TMEM132D: variants seen among roughly 807,000 people sequenced by gnomAD.
TMEM132D encodes mature OL transmembrane protein.
In TMEM132D, 21 loss-of-function variants were observed where a neutral mutation model predicts 62.3. That is an observed-to-expected ratio of 0.34 (90% CI 0.24 to 0.49). TMEM132D has a LOEUF of 0.49. TMEM132D is among the 20% of genes least tolerant of loss of function. TMEM132D has a pLI of 0.99. For missense variants in TMEM132D, 1,346 were observed against 1,402.8 expected (o/e 0.96, Z 0.65); for synonymous variants, 621 against 575.6 (o/e 1.08, Z -1.13).
At position 129,232,503 on chromosome 12, in the gene TMEM132D, C is replaced by T. The variant is rs534350435; in HGVS notation, c.1300-22840G>A. ...TTGCAGGTGAGACTGCCTTCTGGTC[C>T]AAGGAGATTCTAAGTTGCCATCCAC... On this transcript the variant is annotated intron_variant, in intron 4 of 8. Transcript: ENST00000422113. Among the ~76,000 whole-genome samples, 3 of 152,256 alleles carry T rather than the reference C, an allele frequency of 2.0e-5. No homozygotes were observed. The South Asian group carries it at 6.2e-4, about 32-fold the overall frequency.
rs1011179347 is a variant in TMEM132D, at chr12:129,640,776, G to A, written c.968+59034C>T. Among the ~76,000 whole-genome samples, 32 of 152,280 alleles carry A rather than the reference G, an allele frequency of 2.1e-4. 1 individual carries two copies. Among genetic ancestry groups the A allele is most frequent in the African/African-American group, 7.7e-4 (32 of 41,554 alleles). On this transcript the variant is annotated intron_variant, in intron 2 of 8. Transcript: ENST00000422113. The stretch of plus-strand genomic sequence containing the variant: ...CAGAAGGTGAGTGATGGGTGAGTGA[G>A]TGAAGCTTCATCTGTATTTACAGCC...
rs1244746188 is a variant in TMEM132D at position 129,525,231 on chromosome 12, T to G, written c.1115+5828A>C. Reference sequence around the variant, plus strand: ...TGAGCCACGGTGCCCAGCCGGTTTTTTTTTTTTTTTTTTTTTTTTTTTTTG... The same window carrying G: ...TGAGCCACGGTGCCCAGCCGGTTTTGTTTTTTTTTTTTTTTTTTTTTTTTG... On this transcript the variant is annotated intron_variant, in intron 3 of 8. Transcript: ENST00000422113. 1.4e-3 allele frequency among the ~76,000 whole-genome samples: 174 copies of G among 125,428 alleles called. 14 individuals are homozygous for G. Among genetic ancestry groups the G allele is most frequent in the South Asian group, 4.1e-3 (15 of 3,690 alleles). 82.3% of individuals were successfully genotyped at this position (125,428 alleles called of 152,430 possible). A position where few individuals can be genotyped will look rare whatever the true frequency, so the allele number is the denominator to read the frequency against.
At chr12:129,726,028 C>A (rs1046269487) in intron 1 of TMEM132D, among the ~76,000 whole-genome samples, 2 of 152,146 alleles carry the variant, frequency 1.3e-5, no homozygotes, top group African/African-American at 4.8e-5. Flanking sequence ...TCACCAGTCC[C>A]TAGTAAAAAC....
intron 5 of TMEM132D, chr12:129,109,950 C>T (rs539780067): frequency 6.5e-6 from 1 of 152,754 alleles, no homozygotes; most frequent in African/African-American, 2.4e-5. Flanking sequence ...CAGAAGCCAC[C>T]TGGTCAGTGT....
At chr12:129,202,178 G>C (rs1320077021) in intron 5 of TMEM132D, among the ~76,000 whole-genome samples, 1 of 152,302 alleles carries the variant, frequency 6.6e-6, no homozygotes, top group East Asian at 1.9e-4. Context: ...GCTGAGGAAA[G>C]AAGAGAAAGC....
chr12:129,885,865 A>G (rs529607280), intron 1 of TMEM132D, among the ~76,000 whole-genome samples: 2 of 152,344 alleles, frequency 1.3e-5, no homozygotes, highest in South Asian at 2.1e-4. Context: ...ACTCTTCACT[A>G]ATAAGAAATG....
At chr12:129,220,411 C>A (rs143701033) in intron 4 of TMEM132D, among the ~76,000 whole-genome samples, 1 of 152,174 alleles carries the variant, frequency 6.6e-6, no homozygotes, top group East Asian at 1.9e-4. Flanking sequence ...AGCCCATATA[C>A]CCTCACAGAC....
intron 5 of TMEM132D, among the ~76,000 whole-genome samples, chr12:129,152,228 C>A (rs1877095543): frequency 6.6e-6 from 1 of 152,140 alleles, no homozygotes; most frequent in Non-Finnish European, 1.5e-5. Flanking sequence ...GGCTCTATGG[C>A]CAGGCTGAAA....
At chr12:129,641,340 C>G (rs994584305) in intron 2 of TMEM132D, among the ~76,000 whole-genome samples, 1 of 152,134 alleles carries the variant, frequency 6.6e-6, no homozygotes, top group Admixed American at 6.5e-5. Context: ...CATTCTCTAC[C>G]CACCTAGAAG....
chr12:129,190,956 G>A (rs1421526674), intron 5 of TMEM132D, among the ~76,000 whole-genome samples: 2 of 152,052 alleles, frequency 1.3e-5, no homozygotes, highest in African/African-American at 4.8e-5. Context: ...CGCACAAAAG[G>A]TGTAGTCTCA....
chr12:129,211,021 G>C (rs1488982415), intron 4 of TMEM132D: 4 of 152,152 alleles, frequency 2.6e-5, no homozygotes, highest in Non-Finnish European at 5.9e-5. Flanking sequence ...CCATTTTTCA[G>C]ATAGAGAAAA....
intron 4 of TMEM132D, among the ~76,000 whole-genome samples, chr12:129,290,314 A>T (rs1209967378): frequency 2.8e-4 from 42 of 152,154 alleles, no homozygotes; most frequent in Non-Finnish European, 7.3e-5. Flanking sequence ...CATCCCGACC[A>T]CCTAGACTCA....
At chr12:129,709,823 A>G (rs959727066) in intron 1 of TMEM132D, among the ~76,000 whole-genome samples, 1 of 152,262 alleles carries the variant, frequency 6.6e-6, no homozygotes, top group East Asian at 1.9e-4. Context: ...ATCATATTTC[A>G]TAGAATCTCA....
At chr12:129,329,279 G>A (rs959209299) in intron 4 of TMEM132D, among the ~76,000 whole-genome samples, 6 of 152,038 alleles carry the variant, frequency 3.9e-5, no homozygotes, top group Non-Finnish European at 8.8e-5. Flanking sequence ...ATGCAAGAAG[G>A]TGCTTTAGAG....
At chr12:129,422,641 A>C (rs1048403591) in intron 3 of TMEM132D, among the ~76,000 whole-genome samples, 1 of 152,200 alleles carries the variant, frequency 6.6e-6, no homozygotes, top group Non-Finnish European at 1.5e-5. Flanking sequence ...TGTCTATCGA[A>C]GTCAACAATT....
chr12:129,537,502 C>T (rs1231590849), intron 2 of TMEM132D, among the ~76,000 whole-genome samples: 1 of 152,196 alleles, frequency 6.6e-6, no homozygotes, highest in Non-Finnish European at 1.5e-5. Flanking sequence ...TGTCAATATT[C>T]ACATGGGGCT....
At chr12:129,818,880 C>G (rs1479502044) in intron 1 of TMEM132D, among the ~76,000 whole-genome samples, 2 of 151,864 alleles carry the variant, frequency 1.3e-5, no homozygotes, top group African/African-American at 4.8e-5. Context: ...ACAAAACATA[C>G]AAAAACTAGC....
In TMEM132D at chr12:129,449,123, T is replaced by C. The variant is rs140355381; in HGVS notation, c.1115+81936A>G. Reference sequence around the variant, plus strand: ...GAGATTTCATGGTTCACAATGGGAATGGAGTATTGTTAAGAGGGAAGACCC... The same window carrying C: ...GAGATTTCATGGTTCACAATGGGAACGGAGTATTGTTAAGAGGGAAGACCC... On this transcript the variant is annotated intron_variant, in intron 3 of 8. Transcript: ENST00000422113. Among the ~76,000 whole-genome samples the C allele has an allele frequency of 1.2e-3, 178 of 152,290 alleles. 1 individual carries two copies. Among genetic ancestry groups the C allele is most frequent in the African/African-American group, 4.2e-3 (173 of 41,544 alleles).
chr12:129,859,141 G>C (rs1466568869), intron 1 of TMEM132D, among the ~76,000 whole-genome samples: 1 of 152,190 alleles, frequency 6.6e-6, no homozygotes, highest in African/African-American at 2.4e-5. Flanking sequence ...TGAGGACACG[G>C]TGAGAAGGTG....
Sources: gnomAD v4.1 joint callset for allele counts (sites outside exome capture counted in the v4.1 genomes callset) on GRCh38, gnomAD v4.1.1 for gene constraint, MANE v1.5 for transcripts, NCBI Gene and HGNC (gene_info 2026-07-23, HGNC 2026-07-21) for gene names.